TRIR: variants seen among roughly 807,000 people sequenced by gnomAD.
The protein encoded by TRIR is telomerase RNA component-interacting RNase.
Under a neutral mutation model 18.2 loss-of-function variants are expected in TRIR, and 5 were observed. The ratio of observed to expected loss-of-function variants is 0.27; its 90% CI spans 0.14 to 0.58. The LOEUF (loss-of-function observed/expected upper bound fraction) is 0.58. TRIR is among the 20% of genes least tolerant of loss of function. The pLI is 0.91. For synonymous variants in TRIR, 134 were observed against 114.4 expected, an observed-to-expected ratio of 1.17 and a Z score of -1.10; for missense variants, 206 against 252.8, an observed-to-expected ratio of 0.81 and a Z score of 1.25.
chr19:12,730,887 C>T lies in TRIR; in HGVS notation c.*74G>A, dbSNP rs902716297. The T allele has an allele frequency of 1.3e-5, 18 of 1,381,072 alleles. No homozygotes were observed. Among genetic ancestry groups the T allele is most frequent in the Admixed American group, 8.6e-5 (5 of 58,422 alleles). The allele number at this position is 1,381,072 out of a possible 1,614,324, so 85.6% of individuals were successfully genotyped here. A position where few individuals can be genotyped will look rare whatever the true frequency, so the allele number is the denominator to read the frequency against. On this transcript the variant is annotated 3_prime_UTR_variant, in exon 3 of 3. Transcript: ENST00000242784. ...TTTAAGTCCTCTCAGGGAAGGCTGT[C>T]GCCGCTGCCGCTGCATTAAATAGTT...
Position 12,734,681 on chromosome 19 carries a change from G to A in TRIR, c.-24C>T, listed in dbSNP as rs1568346151. Reference sequence around the variant, plus strand: ...ATTTTGTCGCCAGGTGCCGCGCAAAGGACTCCGGGAAGGCCGCTCCGGCCC... The same window carrying A: ...ATTTTGTCGCCAGGTGCCGCGCAAAAGACTCCGGGAAGGCCGCTCCGGCCC... On this transcript the variant is annotated 5_prime_UTR_variant, in exon 1 of 3. Transcript: ENST00000242784. The surrounding 1 kb of genome is among the most constrained non-coding windows in gnomAD (Gnocchi z 4.1). The A allele has an allele frequency of 2.7e-6, 4 of 1,476,490 alleles. No homozygotes were observed. Among genetic ancestry groups the A allele is most frequent in the East Asian group, 2.8e-5 (1 of 36,128 alleles). The allele number at this position is 1,476,490 out of a possible 1,614,324, so 91.5% of individuals were successfully genotyped here.
Position 12,731,540 on chromosome 19 carries a change from C to T in TRIR, c.346-119G>A. On this transcript the variant is annotated intron_variant, in intron 1 of 2. Coordinates refer to ENST00000242784, the MANE Select transcript of TRIR (RefSeq NM_024038.4). The surrounding 1 kb of genome is among the most constrained non-coding windows in gnomAD (Gnocchi z 5.1). Reference sequence around the variant, plus strand: ...TGGCCCGTCCTGACGCCGCGCCCAGCTCCGCCAGCCGGCCGACCTGCGCAG... The same window carrying T: ...TGGCCCGTCCTGACGCCGCGCCCAGTTCCGCCAGCCGGCCGACCTGCGCAG... The T allele has an allele frequency of 9.1e-7, 1 of 1,093,098 alleles. No individual in the cohort carries two copies. The highest frequency in any genetic ancestry group is 1.3e-6 in the Non-Finnish European group (1 of 771,828). 67.7% of individuals were successfully genotyped at this position (1,093,098 alleles called of 1,614,324 possible). A position where few individuals can be genotyped will look rare whatever the true frequency, so the allele number is the denominator to read the frequency against.
At position 12,734,200 on chromosome 19, in the gene TRIR, G is replaced by T; in HGVS notation, c.345+113C>A. ...ACACCCTCAGCGGGTGACCCGGACG[G>T]GCCCCTCATTCAGAACGGAAAGTGG... On this transcript the variant is annotated intron_variant, in intron 1 of 2. Transcript: ENST00000242784. The surrounding 1 kb of genome is among the most constrained non-coding windows in gnomAD (Gnocchi z 4.1). The T allele has an allele frequency of 9.2e-7, 1 of 1,085,662 alleles. No homozygotes were observed. The allele number at this position is 1,085,662 out of a possible 1,614,324, so 67.3% of individuals were successfully genotyped here.
chr19:12,731,386 G>C lies in TRIR; in HGVS notation c.381C>G (p.Leu127=). ...GKRRGGNKLA[L]KTGIVAKKQK... ...GCTTCTTGGCTACTATTCCCGTCTTGAGGGCTAGTTTGTTCCCGCCTCTGC... is the reference window on the plus strand; with the variant it reads ...GCTTCTTGGCTACTATTCCCGTCTTCAGGGCTAGTTTGTTCCCGCCTCTGC... Residue 127 remains leucine (L), a synonymous_variant, in exon 2 of 3, where the codon CTC becomes CTG. Coordinates refer to ENST00000242784, the MANE Select transcript of TRIR (RefSeq NM_024038.4). This position sits in a 1 kb window ranked among gnomAD's most constrained non-coding sequence, Gnocchi z 5.1. 6.2e-7 allele frequency: 1 copy of C among 1,613,894 alleles called. No homozygotes were observed. Among genetic ancestry groups the C allele is most frequent in the South Asian group, 1.1e-5 (1 of 91,084 alleles).
rs1967437373 is a variant in TRIR, at chr19:12,731,977, A to G, written c.346-556T>C. ...ATCTCTACTAAAAATACAAAAACTT[A>G]GCCGGGAGTGGTGGTAGGCGCCTGT... On this transcript the variant is annotated intron_variant, in intron 1 of 2. Transcript: ENST00000242784. The surrounding 1 kb of genome is among the most constrained non-coding windows in gnomAD (Gnocchi z 5.1). 1 of 152,656 alleles carries G rather than the reference A, an allele frequency of 6.6e-6. No homozygotes were observed. The highest frequency in any genetic ancestry group is 2.4e-5 in the African/African-American group (1 of 41,318). 9.5% of individuals were successfully genotyped at this position (152,656 alleles called of 1,614,324 possible). A position where few individuals can be genotyped will look rare whatever the true frequency, so the allele number is the denominator to read the frequency against.
At chr19:12,732,717 G>A (rs1482812258) in intron 1 of TRIR, among the ~76,000 whole-genome samples, 3 of 151,968 alleles carry the variant, frequency 2.0e-5, no homozygotes, top group South Asian at 2.1e-4. Context: ...AGCCTCCCGA[G>A]TAGCTGGGAT....
rs1411076525 is a variant in TRIR at position 12,730,929 on chromosome 19, G to A, written c.*32C>T. 2 of 1,573,892 alleles carry A rather than the reference G, an allele frequency of 1.3e-6. No individual in the cohort carries two copies. The highest frequency in any genetic ancestry group is 1.1e-5 in the South Asian group (1 of 90,232). On this transcript the variant is annotated 3_prime_UTR_variant, in exon 3 of 3. Transcript: ENST00000242784. The stretch of plus-strand genomic sequence containing the variant: ...TAAATAGTTATGTACATCGCAGAGA[G>A]TCCCAGGCCATGGGCAGGTGGGGGA...
In TRIR at chr19:12,730,887, C is replaced by CGCCGCT. The variant is rs1967414476; in HGVS notation, c.*68_*73dup. The stretch of plus-strand genomic sequence containing the variant: ...TTTAAGTCCTCTCAGGGAAGGCTGT[C>CGCCGCT]GCCGCTGCCGCTGCATTAAATAGTT... On this transcript the variant is annotated 3_prime_UTR_variant, in exon 3 of 3. Transcript: ENST00000242784. The CGCCGCT allele has an allele frequency of 2.9e-6, 4 of 1,381,196 alleles. No individual in the cohort carries two copies. In the East Asian group the frequency reaches 6.9e-5, roughly 24 times the overall value. The allele number at this position is 1,381,196 out of a possible 1,614,324, so 85.6% of individuals were successfully genotyped here.
chr19:12,731,196 A>T lies in TRIR; in HGVS notation c.424-128T>A, dbSNP rs1967421397. ...GTTTGAGCTGAAGATTATAAAGTCA[A>T]GTTATCTGGGGACCCATTGACAGCC... On this transcript the variant is annotated intron_variant, in intron 2 of 2. Transcript: ENST00000242784. The surrounding 1 kb of genome is among the most constrained non-coding windows in gnomAD (Gnocchi z 5.1). The T allele has an allele frequency of 1.6e-6, 2 of 1,263,788 alleles. No homozygotes were observed. Among genetic ancestry groups the T allele is most frequent in the Non-Finnish European group, 2.3e-6 (2 of 869,128 alleles). 78.3% of individuals were successfully genotyped at this position (1,263,788 alleles called of 1,614,324 possible).
intron 1 of TRIR, among the ~76,000 whole-genome samples, chr19:12,732,426 T>A (rs982521463): frequency 6.6e-6 from 1 of 152,084 alleles, no homozygotes; most frequent in South Asian, 2.1e-4. Context: ...ACACCAACCC[T>A]GGTCCTGACG....
At position 12,734,342 on chromosome 19, in the gene TRIR, T is replaced by A; in HGVS notation, c.316A>T (p.Lys106Ter). 6.9e-7 allele frequency: 1 copy of A among 1,452,236 alleles called. No individual in the cohort carries two copies. The allele number at this position is 1,452,236 out of a possible 1,614,324, so 90.0% of individuals were successfully genotyped here. Residue 106 changes from lysine (K) to a stop codon, truncating the protein, a stop_gained, in exon 1 of 3, where the codon AAG becomes TAG. Transcript: ENST00000242784. LOFTEE classifies it high-confidence loss of function. This position sits in a 1 kb window ranked among gnomAD's most constrained non-coding sequence, Gnocchi z 4.1. The stretch of plus-strand genomic sequence containing the variant: ...CTAAGTGTGGAGCCCGGACCGCCCT[T>A]CCTCTTCGGATCCCCGGGGCCAGCG... ...AAAGPGDPKR[K>*]GGPGSTLSFV...
intron 1 of TRIR, among the ~76,000 whole-genome samples, chr19:12,733,647 G>A (rs1004508525): frequency 1.3e-5 from 2 of 152,092 alleles, no homozygotes; most frequent in Non-Finnish European, 2.9e-5. Context: ...AGCCCTTCCT[G>A]GAAGACAGGC....
Position 12,730,753 on chromosome 19 carries a change from G to A in TRIR, c.*208C>T, listed in dbSNP as rs1418235315. 3.4e-6 allele frequency: 2 copies of A among 596,662 alleles called. No homozygotes were observed. Among genetic ancestry groups the A allele is most frequent in the Admixed American group, 3.0e-5 (1 of 33,798 alleles). 37.0% of individuals were successfully genotyped at this position (596,662 alleles called of 1,614,324 possible). ...GAGAATGAGGAGGTGAGAAGGGGGG[G>A]ACAGTAAACCACTGTTCTATGAAGT... is the stretch of plus-strand genomic sequence containing the variant. On this transcript the variant is annotated 3_prime_UTR_variant, in exon 3 of 3. Coordinates refer to ENST00000242784, the MANE Select transcript of TRIR (RefSeq NM_024038.4).
At chr19:12,733,467 G>C (rs1012925543) in intron 1 of TRIR, among the ~76,000 whole-genome samples, 13 of 152,088 alleles carry the variant, frequency 8.5e-5, no homozygotes. Flanking sequence ...TCTTTGTTTG[G>C]GGGTGGGAGG....
intron 1 of TRIR, among the ~76,000 whole-genome samples, chr19:12,732,911 AT>A (rs971862799): frequency 6.7e-6 from 1 of 148,604 alleles, no homozygotes; most frequent in Non-Finnish European, 1.5e-5. Context: ...TTTCACACCG[AT>A]TTTTTTTTTA....
In TRIR at chr19:12,734,554, G is replaced by A. The variant is rs940116022; in HGVS notation, c.104C>T (p.Thr35Met). 3 of 1,531,358 alleles carry A rather than the reference G, an allele frequency of 2.0e-6. No individual in the cohort carries two copies. Among genetic ancestry groups the A allele is most frequent in the South Asian group, 1.2e-5 (1 of 82,784 alleles). The allele number at this position is 1,531,358 out of a possible 1,614,324, so 94.9% of individuals were successfully genotyped here. ...CTCCTCGTCCCCGCTCTCGGGCGAC[G>A]TCCCCGATCCCGACTCAGCCCAACG... is the stretch of plus-strand genomic sequence containing the variant. ...GSRWAESGSG[T>M]SPESGDEEVS... The change falls in exon 1 of 3, where the codon ACG becomes ATG. Residue 35 changes from threonine to methionine, a missense_variant. By Grantham distance (81) the Thr-to-Met change is moderately conservative. Transcript: ENST00000242784. This position sits in a 1 kb window ranked among gnomAD's most constrained non-coding sequence, Gnocchi z 4.1.
rs547411930 is a variant in TRIR at position 12,734,188 on chromosome 19, G to T, written c.345+125C>A. The stretch of plus-strand genomic sequence containing the variant: ...AATCCAAGTTCCACACCCTCAGCGG[G>T]TGACCCGGACGGGCCCCTCATTCAG... On this transcript the variant is annotated intron_variant, in intron 1 of 2. Coordinates refer to ENST00000242784, the MANE Select transcript of TRIR (RefSeq NM_024038.4). The surrounding 1 kb of genome is among the most constrained non-coding windows in gnomAD (Gnocchi z 4.1). 23 of 1,006,072 alleles carry T rather than the reference G, an allele frequency of 2.3e-5. No individual in the cohort carries two copies. In the African/African-American group the frequency reaches 4.0e-4, roughly 17 times the overall value. 62.3% of individuals were successfully genotyped at this position (1,006,072 alleles called of 1,614,324 possible).
chr19:12,734,128 G>A lies in TRIR; in HGVS notation c.345+185C>T, dbSNP rs1394738396. 6.6e-6 allele frequency among the ~76,000 whole-genome samples: 1 copy of A among 152,188 alleles called. No homozygotes were observed. Among genetic ancestry groups the A allele is most frequent in the Non-Finnish European group, 1.5e-5 (1 of 68,040 alleles). ...CAGTTCCCACGGGCAAGCTCCTGGA[G>A]TCCCCACTCCCGCCCCTAGACCCCA... On this transcript the variant is annotated intron_variant, in intron 1 of 2. Coordinates refer to ENST00000242784, the MANE Select transcript of TRIR (RefSeq NM_024038.4). This position sits in a 1 kb window ranked among gnomAD's most constrained non-coding sequence, Gnocchi z 4.1.
At position 12,731,759 on chromosome 19, in the gene TRIR, CCTGTGCCAAGTG is replaced by C; in HGVS notation, c.346-350_346-339del. 7.0e-6 allele frequency: 2 copies of C among 283,940 alleles called. No homozygotes were observed. The highest frequency in any genetic ancestry group is 9.4e-5 in the Admixed American group (2 of 21,384). 17.6% of individuals were successfully genotyped at this position (283,940 alleles called of 1,614,324 possible). On this transcript the variant is annotated intron_variant, in intron 1 of 2. Transcript: ENST00000242784. The surrounding 1 kb of genome is among the most constrained non-coding windows in gnomAD (Gnocchi z 5.1). ...ATTGAGCATGTACTGTATGCCAAGC[CCTGTGCCAAGTG>C]CTGTGGATGTATCATCTCCTTTCAT...
Sources: gnomAD v4.1 joint callset for allele counts (sites outside exome capture counted in the v4.1 genomes callset) on GRCh38, gnomAD v4.1.1 for gene constraint, Gnocchi (gnomAD v3.1) non-coding constraint, MANE v1.5 for transcripts, NCBI Gene and HGNC (gene_info 2026-07-23, HGNC 2026-07-21) for gene names.